The following TLK1 variants were observed in gnomAD, a reference collection of about 807,000 sequenced individuals.
TLK1 encodes serine/threonine-protein kinase tousled-like 1.
Under a neutral mutation model 105.3 loss-of-function variants are expected in TLK1, and 24 were observed. That is an observed-to-expected ratio of 0.23 (90% CI 0.17 to 0.32). The LOEUF (loss-of-function observed/expected upper bound fraction) is 0.32. Among genes scored for constraint, TLK1 ranks in the 10% least tolerant of loss-of-function variants. The probability of loss-of-function intolerance (pLI) is 1.00; values close to 1 mark genes in which losing one functional copy is unlikely to be tolerated. For missense variants in TLK1, 558 were observed against 910.5 expected (o/e 0.61, Z 4.98); for synonymous variants, 321 against 310.4 (o/e 1.03, Z -0.36).
chr2:171,049,048 G>A (rs1406795027), intron 10 of TLK1, among the ~76,000 whole-genome samples: 1 of 152,156 alleles, frequency 6.6e-6, no homozygotes, highest in Non-Finnish European at 1.5e-5. Flanking sequence ...AACACCGCAT[G>A]TTCTCATGTA....
At chr2:171,038,422 TTTC>T (rs749034863) in intron 11 of TLK1, among the ~76,000 whole-genome samples, 10 of 152,294 alleles carry the variant, frequency 6.6e-5, no homozygotes, top group African/African-American at 1.2e-4. Flanking sequence ...AGTTTTAGTT[TTTC>T]TTCTTTTCTT....
intron 1 of TLK1, among the ~76,000 whole-genome samples, chr2:171,225,452 GA>G (rs931639627): frequency 1.3e-5 from 2 of 151,582 alleles, no homozygotes; most frequent in East Asian, 3.9e-4. Context: ...ACTATAAGGG[GA>G]AAAAAAAGGA....
intron 18 of TLK1, among the ~76,000 whole-genome samples, chr2:171,003,725 GTA>G (rs1684508212): frequency 6.6e-6 from 1 of 152,190 alleles, no homozygotes; most frequent in Non-Finnish European, 1.5e-5. Context: ...ACAGTACACA[GTA>G]TGTGGTACAG....
chr2:171,061,259 G>A, intron 3 of TLK1, 103 bp from the exon 4 acceptor site: 2 of 989,930 alleles, frequency 2.0e-6, no homozygotes, highest in Non-Finnish European at 3.1e-6. Context: ...ATAGCATTCA[G>A]TAGTGCTCAA....
At chr2:171,124,400 T>C (rs573625170) in intron 1 of TLK1, among the ~76,000 whole-genome samples, 126 of 152,352 alleles carry the variant, frequency 8.3e-4, no homozygotes, top group South Asian at 5.0e-3. Context: ...TAATAGCAGT[T>C]GAGGGCAGTT....
intron 11 of TLK1, among the ~76,000 whole-genome samples, chr2:171,039,979 A>G (rs1238004819): frequency 6.6e-6 from 1 of 152,162 alleles, no homozygotes; most frequent in African/African-American, 2.4e-5. Flanking sequence ...ATATGTGGAT[A>G]AAGTCCATAT....
At chr2:171,096,475 G>T (rs1206498427) in intron 2 of TLK1, among the ~76,000 whole-genome samples, 3 of 152,056 alleles carry the variant, frequency 2.0e-5, no homozygotes, top group Non-Finnish European at 4.4e-5. Flanking sequence ...AATTTAATCA[G>T]CCCAGGCACG....
At chr2:171,043,064 A>C (rs1231038682) in intron 11 of TLK1, among the ~76,000 whole-genome samples, 3 of 152,234 alleles carry the variant, frequency 2.0e-5, no homozygotes, top group Admixed American at 6.5e-5. Flanking sequence ...GTGACCGTGA[A>C]AATGAAGAAT....
intron 7 of TLK1, chr2:171,054,059 A>C (rs376767858): frequency 5.1e-6 from 2 of 395,912 alleles, no homozygotes. Context: ...TAGAAAGGCC[A>C]ATTACTTAGA....
intron 2 of TLK1, 32 bp downstream of exon 2, chr2:171,117,707 G>A: frequency 6.6e-7 from 1 of 1,521,696 alleles, no homozygotes; most frequent in Non-Finnish European, 9.1e-7. Context: ...TAGAAAGAAA[G>A]ACTGTCAAAT....
At chr2:171,176,806 C>T (rs908957163) in intron 1 of TLK1, among the ~76,000 whole-genome samples, 1 of 152,050 alleles carries the variant, frequency 6.6e-6, no homozygotes, top group African/African-American at 2.4e-5. Context: ...CTTGCTCACT[C>T]TCTGCTTCAC....
In TLK1 at chr2:171,160,232, G is replaced by C; in HGVS notation, c.139+58C>G. 1 of 1,314,280 alleles carries C rather than the reference G, an allele frequency of 7.6e-7. No homozygotes were observed. Among genetic ancestry groups the C allele is most frequent in the Non-Finnish European group, 9.7e-7 (1 of 1,030,390 alleles). 81.4% of individuals were successfully genotyped at this position (1,314,280 alleles called of 1,614,324 possible). A position where few individuals can be genotyped will look rare whatever the true frequency, so the allele number is the denominator to read the frequency against. ...GCGGGGGGGGCGGGGGGGGGGCGCG[G>C]GGGTCCGCGGCGCGGGAGAGGAGGC... On this transcript the variant is annotated intron_variant, in intron 1 of 20. Coordinates refer to ENST00000431350, the MANE Select transcript of TLK1 (RefSeq NM_012290.5). The surrounding 1 kb of genome is among the most constrained non-coding windows in gnomAD (Gnocchi z 4.4).
upstream of TLK1, among the ~76,000 whole-genome samples, chr2:171,162,715 T>C (rs1389405361): frequency 6.6e-6 from 1 of 152,230 alleles, no homozygotes; most frequent in Non-Finnish European, 1.5e-5. Flanking sequence ...CTTTCTGTCA[T>C]ATGGGTAGCT....
chr2:171,195,395 C>T (rs1017241578), intron 1 of TLK1, among the ~76,000 whole-genome samples: 2 of 151,072 alleles, frequency 1.3e-5, no homozygotes, highest in African/African-American at 2.4e-5. Flanking sequence ...CCCAGCTACT[C>T]CGGAGGCTGA....
chr2:171,004,987 C>T (rs1863773), intron 18 of TLK1, among the ~76,000 whole-genome samples: 145,694 of 152,328 alleles, frequency 0.96, 69,962 homozygotes, highest in East Asian at 1. Context: ...CTAATCCCTG[C>T]TCATTAAAAG....
chr2:171,018,216 G>A (rs1458960102), intron 12 of TLK1, among the ~76,000 whole-genome samples: 1 of 152,176 alleles, frequency 6.6e-6, no homozygotes, highest in Non-Finnish European at 1.5e-5. Flanking sequence ...AAAAGGCCAT[G>A]TTAGGATAAA....
At chr2:171,132,759 A>G (rs1691154708) in intron 1 of TLK1, among the ~76,000 whole-genome samples, 1 of 152,124 alleles carries the variant, frequency 6.6e-6, no homozygotes, top group African/African-American at 2.4e-5. Context: ...CCAACTACTC[A>G]AGAGATTGAG....
Position 171,076,867 on chromosome 2 carries a change from T to C in TLK1, c.330+5914A>G, listed in dbSNP as rs1434220198. ...AGGCAGAGCTTGCAGTGAGCCGAGA[T>C]GGCGCCACTGCACTCCAGCCTAGGC... On this transcript the variant is annotated intron_variant, in intron 3 of 20. Coordinates refer to ENST00000431350, the MANE Select transcript of TLK1 (RefSeq NM_012290.5). 8.6e-5 allele frequency among the ~76,000 whole-genome samples: 13 copies of C among 151,794 alleles called. 1 individual carries two copies. The East Asian group carries it at 2.1e-3, about 25-fold the overall frequency.
chr2:171,174,116 G>A (rs1236615143), intron 1 of TLK1, among the ~76,000 whole-genome samples: 1 of 152,094 alleles, frequency 6.6e-6, no homozygotes, highest in Non-Finnish European at 1.5e-5. Flanking sequence ...AGCACTATGT[G>A]ATTCTTTTTC....
Sources: gnomAD v4.1 joint callset for allele counts (sites outside exome capture counted in the v4.1 genomes callset) on GRCh38, gnomAD v4.1.1 for gene constraint, Gnocchi (gnomAD v3.1) non-coding constraint, MANE v1.5 for transcripts, NCBI Gene and HGNC (gene_info 2026-07-23, HGNC 2026-07-21) for gene names.